Variants in HDAC7 observed in about 807,000 individuals in gnomAD.
HDAC7 encodes histone deacetylase 7, also known as histone deacetylase 7A.
In HDAC7, 26 loss-of-function variants were observed where a neutral mutation model predicts 115.5. The observed-to-expected ratio is 0.23, with a 90% CI of 0.16 to 0.31. The LOEUF is 0.31. Among genes scored for constraint, HDAC7 ranks in the 10% least tolerant of loss-of-function variants. HDAC7 has a pLI of 1.00. For synonymous variants in HDAC7, 564 were observed against 550.9 expected (o/e 1.02, Z -0.33); for missense variants, 1,068 against 1,329.0 (o/e 0.80, Z 3.05).
At chr12:47,786,239 T>G (rs2240109) in intron 22 of HDAC7, among the ~76,000 whole-genome samples, 23 of 152,198 alleles carry the variant, frequency 1.5e-4, no homozygotes, top group Middle Eastern at 3.4e-3. Context: ...GAGTGCTGCT[T>G]CTCTCTCCCC....
chr12:47,801,420 A>G (rs1944158702), intron 2 of HDAC7, among the ~76,000 whole-genome samples: 1 of 152,248 alleles, frequency 6.6e-6, no homozygotes, highest in Non-Finnish European at 1.5e-5. Flanking sequence ...ACAAATGGAT[A>G]AACTCATGAA....
chr12:47,809,814 G>A (rs1181963830), intron 1 of HDAC7, among the ~76,000 whole-genome samples: 2 of 152,078 alleles, frequency 1.3e-5, no homozygotes, highest in Non-Finnish European at 1.5e-5. Context: ...CAAGTGATCC[G>A]CCCACCTCTG....
chr12:47,785,603 C>T, intron 23 of HDAC7, 132 bp from the exon 24 acceptor site: 3 of 1,389,146 alleles, frequency 2.2e-6, no homozygotes, highest in Non-Finnish European at 9.8e-7. Context: ...CTGGACCTAA[C>T]TTGGAACAGA....
intron 1 of HDAC7, among the ~76,000 whole-genome samples, chr12:47,815,052 A>T (rs1317108572): frequency 6.6e-6 from 1 of 152,310 alleles, no homozygotes; most frequent in East Asian, 1.9e-4. Flanking sequence ...ATCTGTACCC[A>T]GTGCCTAGAA....
chr12:47,795,481 C>A lies in HDAC7; in HGVS notation c.1088-101G>T. 2.1e-6 allele frequency: 3 copies of A among 1,398,216 alleles called. No homozygotes were observed. The highest frequency in any genetic ancestry group is 1.2e-5 in the South Asian group (1 of 80,362). 86.6% of individuals were successfully genotyped at this position (1,398,216 alleles called of 1,614,324 possible). A position where few individuals can be genotyped will look rare whatever the true frequency, so the allele number is the denominator to read the frequency against. On this transcript the variant is annotated intron_variant, in intron 10 of 25. Coordinates refer to ENST00000080059, the MANE Select transcript of HDAC7 (RefSeq NM_015401.5). The surrounding 1 kb of genome is among the most constrained non-coding windows in gnomAD (Gnocchi z 4.3). The stretch of plus-strand genomic sequence containing the variant: ...GGCCAGGGTGCAGCAGGGCAATGCG[C>A]AGGACAGGGGGACAGAGATGGGGAG...
intron 2 of HDAC7, among the ~76,000 whole-genome samples, chr12:47,800,169 C>T (rs775449648): frequency 2.6e-5 from 4 of 152,144 alleles, no homozygotes; most frequent in Admixed American, 6.5e-5. Context: ...CCACTGGCCC[C>T]GGGGGGTAGT....
chr12:47,805,109 T>C (rs1254262939), intron 1 of HDAC7, among the ~76,000 whole-genome samples: 5 of 151,500 alleles, frequency 3.3e-5, no homozygotes, highest in Admixed American at 6.6e-5. Context: ...CTTGTTCTGA[T>C]GCCCAGGCTG....
intron 8 of HDAC7, 52 bp from the exon 9 acceptor site, chr12:47,796,068 G>A (rs563054371): frequency 1.2e-5 from 18 of 1,533,566 alleles, no homozygotes; most frequent in Middle Eastern, 3.8e-4. Context: ...CTACCCCGGC[G>A]CACCTTCCCC....
At chr12:47,784,640 C>T in intron 24 of HDAC7, 1 of 1,359,654 alleles carries the variant, frequency 7.4e-7, no homozygotes, top group Non-Finnish European at 1.0e-6. Context: ...CTCAGCCCAG[C>T]ACTCAGGAAA....
At chr12:47,784,923 A>C (rs1943082053) in intron 24 of HDAC7, 3 of 668,964 alleles carry the variant, frequency 4.5e-6, no homozygotes, top group Non-Finnish European at 7.5e-6. Context: ...ATGGGTCTTG[A>C]CATAAGATGC....
intron 1 of HDAC7, among the ~76,000 whole-genome samples, chr12:47,815,194 G>A (rs960694776): frequency 6.6e-6 from 1 of 152,168 alleles, no homozygotes; most frequent in African/African-American, 2.4e-5. Context: ...CTCCAAAAAG[G>A]AGGCAGCAGA....
At chr12:47,804,845 C>A (rs2137024139) in intron 1 of HDAC7, among the ~76,000 whole-genome samples, 1 of 152,260 alleles carries the variant, frequency 6.6e-6, no homozygotes, top group African/African-American at 2.4e-5. Flanking sequence ...CTGGAACAAA[C>A]TGACCTCCCT....
In HDAC7 at chr12:47,794,909, G is replaced by A. The variant is rs770245918; in HGVS notation, c.1309C>T (p.Pro437Ser). The A allele has an allele frequency of 3.7e-6, 6 of 1,613,142 alleles. No individual in the cohort carries two copies. The highest frequency in any genetic ancestry group is 3.3e-5 in the South Asian group (3 of 91,036). ...IKRSAKPSEK[P>S]RLRQIPSAED... ...GCCGAGGGTATCTGCCGCAGCCGGG[G>A]CTTCTCACTCGGCTTGGCTGACCTC... Residue 437 changes from proline (P) to serine (S), a missense_variant, in exon 12 of 26, where the codon CCC becomes TCC. By Grantham distance (74) the Pro-to-Ser change is moderately conservative (BLOSUM62 -1). This residue lies in a region of HDAC7 where 618 missense variants were observed against 701.5 expected (regional missense o/e 0.88). Coordinates refer to ENST00000080059, the MANE Select transcript of HDAC7 (RefSeq NM_015401.5).
At chr12:47,791,799 G>GGGGC in intron 14 of HDAC7, 72 bp downstream of exon 14, 1 of 1,459,426 alleles carries the variant, frequency 6.9e-7, no homozygotes, top group Non-Finnish European at 9.2e-7. Flanking sequence ...ATGGGCCCCA[G>GGGGC]GGCCCCCCAC....
At position 47,795,451 on chromosome 12, in the gene HDAC7, TG is replaced by T; in HGVS notation, c.1088-72del. 1.4e-6 allele frequency: 1 copy of T among 711,822 alleles called. No homozygotes were observed. Among genetic ancestry groups the T allele is most frequent in the Non-Finnish European group, 1.8e-6 (1 of 544,858 alleles). The allele number at this position is 711,822 out of a possible 1,614,324, so 44.1% of individuals were successfully genotyped here. On this transcript the variant is annotated intron_variant, in intron 10 of 25. Coordinates refer to ENST00000080059, the MANE Select transcript of HDAC7 (RefSeq NM_015401.5). This position sits in a 1 kb window ranked among gnomAD's most constrained non-coding sequence, Gnocchi z 4.3. Reference sequence around the variant, plus strand: ...AATGGAAGGAAGCGAGGGTATAGGGTGGGGGGCCAGGGTGCAGCAGGGCAAT... The same window carrying T: ...AATGGAAGGAAGCGAGGGTATAGGGTGGGGGCCAGGGTGCAGCAGGGCAAT...
rs781177970 is a variant in HDAC7, at chr12:47,788,030, C to T, written c.2355+15G>A. The T allele has an allele frequency of 3.1e-6, 5 of 1,604,754 alleles. No individual in the cohort carries two copies. The highest frequency in any genetic ancestry group is 4.3e-6 in the Non-Finnish European group (5 of 1,174,926). On this transcript the variant is annotated intron_variant, in intron 20 of 25. Transcript: ENST00000080059. ...GTCAATGAGGCTGGAAGATGTGGCC[C>T]TGACATGCGGTTACCTCATCCACAG... is the stretch of plus-strand genomic sequence containing the variant.
chr12:47,818,789 C>T (rs1205137320), intron 1 of HDAC7, among the ~76,000 whole-genome samples: 1 of 152,162 alleles, frequency 6.6e-6, no homozygotes, highest in Non-Finnish European at 1.5e-5. Context: ...CAGGGGGAGG[C>T]CTTTGGGTGC....
In HDAC7 at chr12:47,785,493, C is replaced by G; in HGVS notation, c.2707-22G>C. On this transcript the variant is annotated intron_variant, in intron 23 of 25. Coordinates refer to ENST00000080059, the MANE Select transcript of HDAC7 (RefSeq NM_015401.5). ...CCACCTATAGAAAACAGTACATCAG[C>G]CACCAGTCTCTCAGGGACCCACAGG... The G allele has an allele frequency of 3.1e-6, 5 of 1,595,974 alleles. No individual in the cohort carries two copies. In the South Asian group the frequency reaches 5.7e-5, roughly 18 times the overall value.
chr12:47,818,311 G>T (rs756515869), intron 1 of HDAC7, among the ~76,000 whole-genome samples: 2 of 152,212 alleles, frequency 1.3e-5, no homozygotes, highest in African/African-American at 4.8e-5. Flanking sequence ...GACATCAGGG[G>T]ACTAAAGGCA....
Sources: gnomAD v4.1 joint callset for allele counts (sites outside exome capture counted in the v4.1 genomes callset) on GRCh38, gnomAD v4.1.1 for gene constraint, gnomAD v4.1.1 regional missense constraint, Gnocchi (gnomAD v3.1) non-coding constraint, MANE v1.5 for transcripts, NCBI Gene and HGNC (gene_info 2026-07-23, HGNC 2026-07-21) for gene names.